The following CITED1 variants were observed in gnomAD, a reference collection of about 807,000 sequenced individuals.
CITED1 encodes Cbp/p300 interacting transactivator with ED-rich tail 1.
Under a neutral mutation model 8.5 loss-of-function variants are expected in CITED1, and 3 were observed. The observed-to-expected ratio is 0.35, with a 90% confidence interval of 0.16 to 0.91. The LOEUF is 0.91. CITED1 is among the 40% of genes least tolerant of loss of function. The pLI, the probability that CITED1 is intolerant of heterozygous loss-of-function variation, is 0.46. For synonymous variants in CITED1, 54 were observed against 67.4 expected, an observed-to-expected ratio of 0.80 and a Z score of 0.97; for missense variants, 113 against 154.8, an observed-to-expected ratio of 0.73 and a Z score of 1.43.
At chrX:72,305,928 C>G (rs2043334752), upstream of CITED1, 1 of 112,106 alleles carries the variant, frequency 8.9e-6, no homozygotes, top group African/African-American at 3.3e-5. Flanking sequence ...GCGCGGCTCG[C>G]CAGCCCGCGT....
intron 1 of CITED1, chrX:72,305,451 G>A (rs2043327523): frequency 3.8e-6 from 2 of 521,595 alleles, no homozygotes; most frequent in East Asian, 4.0e-5. Flanking sequence ...CGGACAGCTC[G>A]GCTGCCCTCC....
chrX:72,306,286 A>AGCGAACCCGAGCGCTGGCG (rs2043338677), upstream of CITED1, among the ~76,000 whole-genome samples: 1 of 107,622 alleles, frequency 9.3e-6, no homozygotes, highest in Non-Finnish European at 1.9e-5. Flanking sequence ...GCGCGCTGGC[A>AGCGAACCCGAGCGCTGGCG]AGCGAACCCG....
intron 1 of CITED1, among the ~76,000 whole-genome samples, chrX:72,303,430 C>T (rs1003871549): frequency 1.8e-5 from 2 of 112,399 alleles, no homozygotes; most frequent in Middle Eastern, 4.6e-3. Flanking sequence ...AAGTCTCTAG[C>T]GCAAATGTCA....
At chrX:72,305,279 C>T in intron 1 of CITED1, 1 of 1,163,386 alleles carries the variant, frequency 8.6e-7, no homozygotes, top group South Asian at 1.9e-5. Flanking sequence ...TGTTGGGGGA[C>T]CAAAAGTTAA....
chrX:72,305,780 G>T (rs2043332862), intron 1 of CITED1, 45 bp downstream of exon 1: 1 of 117,129 alleles, frequency 8.5e-6, no homozygotes, highest in African/African-American at 3.2e-5. Flanking sequence ...CTAAAACCCC[G>T]CTAGGAGAAG....
At chrX:72,306,785 G>C (rs1306874210), upstream of CITED1, 2 of 95,852 alleles carry the variant, frequency 2.1e-5, no homozygotes, top group Non-Finnish European at 4.2e-5. Flanking sequence ...CGGCCACCGC[G>C]CTCCCTTCCC....
rs2043290697 is a variant in CITED1, at chrX:72,301,935, A to G, written c.370T>C (p.Trp124Arg). Residue 124 changes from tryptophan (W) to arginine (R), a missense_variant, in exon 3 of 3, where the codon TGG becomes CGG. Physicochemically the swap from Trp to Arg is moderately radical, Grantham distance 101. Transcript: ENST00000651998. ...QPGEAGPLQN[W>R]DFGAQAGGAE... ...CCTCCCGCCTGGGCCCCAAAGTCCCAGTTTTGCAGGGGTCCTGCCTCCCCG... is the reference window on the plus strand; with the variant it reads ...CCTCCCGCCTGGGCCCCAAAGTCCCGGTTTTGCAGGGGTCCTGCCTCCCCG... The G allele has an allele frequency of 8.3e-7, 1 of 1,210,841 alleles. No homozygotes were observed. Among genetic ancestry groups the G allele is most frequent in the Admixed American group, 2.2e-5 (1 of 45,941 alleles).
upstream of CITED1, chrX:72,306,496 C>G (rs1337522626): frequency 8.9e-6 from 1 of 111,814 alleles, no homozygotes; most frequent in Non-Finnish European, 1.9e-5. Flanking sequence ...GCCGCCTGCC[C>G]TGGAGAGAGG....
Position 72,304,138 on chromosome X carries a change from A to G in CITED1, c.-65-1204T>C, listed in dbSNP as rs200355010. 41 of 614,919 alleles carry G rather than the reference A, an allele frequency of 6.7e-5. No homozygotes were observed. The East Asian group carries it at 6.8e-3, about 102-fold the overall frequency. The allele number at this position is 614,919 out of a possible 1,213,427, so 50.7% of individuals were successfully genotyped here. A position where few individuals can be genotyped will look rare whatever the true frequency, so the allele number is the denominator to read the frequency against. ...TTTATAAATACCTCTTGGTCCAAAG[A>G]ATCTTGAGGACCTTAAAAAGAGTCT... On this transcript the variant is annotated intron_variant, in intron 1 of 2. Coordinates refer to ENST00000651998, the MANE Select transcript of CITED1 (RefSeq NM_001144887.2).
upstream of CITED1, chrX:72,306,329 C>T (rs1252500658): frequency 1.3e-4 from 14 of 110,744 alleles, no homozygotes; most frequent in African/African-American, 3.6e-4. Flanking sequence ...GGCGGCCCCT[C>T]GCCCCCAGCA....
upstream of CITED1, chrX:72,306,923 T>TC (rs933865331): frequency 9.1e-6 from 1 of 109,762 alleles, no homozygotes; most frequent in African/African-American, 3.3e-5. Context: ...CCTTTTTTTT[T>TC]CTCCCCTCAA....
intron 1 of CITED1, among the ~76,000 whole-genome samples, chrX:72,303,495 G>A (rs1228056493): frequency 8.9e-6 from 1 of 112,133 alleles, no homozygotes; most frequent in Non-Finnish European, 1.9e-5. Flanking sequence ...GCTGATTAGG[G>A]TGGTCTGGGG....
At chrX:72,303,322 C>A (rs2043306692) in intron 1 of CITED1, among the ~76,000 whole-genome samples, 1 of 112,785 alleles carries the variant, frequency 8.9e-6, no homozygotes, top group Admixed American at 9.3e-5. Flanking sequence ...AGCATCCAGG[C>A]TGGAGAGTTG....
chrX:72,305,322 G>T, intron 1 of CITED1: 1 of 1,165,386 alleles, frequency 8.6e-7, no homozygotes, highest in Non-Finnish European at 1.1e-6. Context: ...CATCTCGATT[G>T]CTATTTTCTC....
chrX:72,306,903 C>G, upstream of CITED1: 1 of 110,255 alleles, frequency 9.1e-6, no homozygotes, highest in Non-Finnish European at 1.9e-5. Context: ...AAGGACAGAC[C>G]CTTTTTTTCC....
In CITED1 at chrX:72,302,088, T is replaced by C. The variant is rs764577675; in HGVS notation, c.217A>G (p.Thr73Ala). ...GGGGGTTTAGTGGGAGGGGTGGTTG[T>C]AGGAGAGCCTATTGGAGATCCCGAG... ...SSSGSPIGSPTTTPPTKPPSF... is the reference protein window; with the variant it reads ...SSSGSPIGSPATTPPTKPPSF... Residue 73 changes from threonine to alanine, a missense_variant, in exon 3 of 3, where the codon ACA becomes GCA. By Grantham distance (58) the Thr-to-Ala change is moderately conservative. Transcript: ENST00000651998. 28 of 1,186,813 alleles carry C rather than the reference T, an allele frequency of 2.4e-5. No homozygotes were observed. In the South Asian group the frequency reaches 4.3e-4, roughly 18 times the overall value.
upstream of CITED1, chrX:72,306,332 C>G (rs1322329726): frequency 9.0e-6 from 1 of 110,770 alleles, no homozygotes; most frequent in Admixed American, 9.4e-5. Context: ...GGCCCCTCGC[C>G]CCCAGCAGAG....
rs2043289301 is a variant in CITED1 at position 72,301,837 on chromosome X, T to C, written c.468A>G (p.Glu156=). The change falls in exon 3 of 3, where the codon GAA becomes GAG. Residue 156 remains glutamate (E), a synonymous_variant. Coordinates refer to ENST00000651998, the MANE Select transcript of CITED1 (RefSeq NM_001144887.2). The part of the protein sequence containing the change: ...AIIDSDPVDE[E]VLMSLVVELG... ...GTTCCACCACCAGCGACATCAGCAC[T>C]TCCTCATCCACTGGGTCCGAATCGA... is the stretch of plus-strand genomic sequence containing the variant. The C allele has an allele frequency of 8.3e-7, 1 of 1,210,119 alleles. No individual in the cohort carries two copies. The highest frequency in any genetic ancestry group is 1.8e-5 in the African/African-American group (1 of 57,140).
chrX:72,302,352 G>A, intron 2 of CITED1, 108 bp from the exon 3 acceptor site: 2 of 945,889 alleles, frequency 2.1e-6, no homozygotes, highest in Non-Finnish European at 2.9e-6. Flanking sequence ...GACTAGAGGT[G>A]GAGAGGTAGC....
Sources: allele counts gnomAD v4.1 joint callset (sites outside exome capture counted in the v4.1 genomes callset), GRCh38; gene constraint gnomAD v4.1.1; transcripts MANE v1.5; gene names NCBI Gene and HGNC (gene_info 2026-07-23, HGNC 2026-07-21).